The following KDM4C variants were observed in gnomAD, a reference collection of about 807,000 sequenced individuals.
The protein encoded by KDM4C is lysine demethylase 4C.
A neutral mutation model predicts 129.3 loss-of-function variants in KDM4C; 81 were observed. The ratio of observed to expected loss-of-function variants is 0.63; its 90% CI spans 0.52 to 0.75. The LOEUF (loss-of-function observed/expected upper bound fraction) is 0.75, where lower values mean the gene tolerates loss of function less well. Among genes scored for constraint, KDM4C ranks in the 30% least tolerant of loss-of-function variants. KDM4C has a pLI of 0.00. For synonymous variants in KDM4C, 573 were observed against 456.1 expected, an observed-to-expected ratio of 1.26 and a Z score of -3.26; for missense variants, 1,457 against 1,304.0, an observed-to-expected ratio of 1.12 and a Z score of -1.81.
At chr9:7,154,118 T>C (rs1323465148) in intron 19 of KDM4C, among the ~76,000 whole-genome samples, 1 of 152,144 alleles carries the variant, frequency 6.6e-6, no homozygotes, top group Admixed American at 6.5e-5. Flanking sequence ...GTGACTGTGA[T>C]GTCAGGCCAG....
At chr9:6,988,011 A>C (rs1045205832) in intron 11 of KDM4C, among the ~76,000 whole-genome samples, 1 of 151,702 alleles carries the variant, frequency 6.6e-6, no homozygotes, top group Non-Finnish European at 1.5e-5. Context: ...AAAATAAAAA[A>C]AAATTTAGTG....
chr9:7,097,190 C>G lies in KDM4C; in HGVS notation c.2425-6495C>G, dbSNP rs77213160. ...TTTAAAACCCTGCTGGGTAGCTTCT[C>G]TGAGCCATGAGGCAGGCCCTGGGTC... On this transcript the variant is annotated intron_variant, in intron 17 of 21. Coordinates refer to ENST00000381309, the MANE Select transcript of KDM4C (RefSeq NM_015061.6). Among the ~76,000 whole-genome samples the G allele has an allele frequency of 6.2e-3, 944 of 152,308 alleles. 12 individuals carry two copies. The highest frequency in any genetic ancestry group is 0.021 in the African/African-American group (862 of 41,572).
chr9:6,967,977 G>A (rs1831296209), intron 8 of KDM4C, among the ~76,000 whole-genome samples: 1 of 151,790 alleles, frequency 6.6e-6, no homozygotes, highest in African/African-American at 2.4e-5. Context: ...GATTAATTGA[G>A]ACAATATCTA....
chr9:6,763,344 G>T (rs1819958577), intron 1 of KDM4C, among the ~76,000 whole-genome samples: 1 of 152,084 alleles, frequency 6.6e-6, no homozygotes. Flanking sequence ...TTCTTTGATT[G>T]ATTCCATCTC....
intron 4 of KDM4C, among the ~76,000 whole-genome samples, chr9:6,829,670 G>T (rs771451544): frequency 6.6e-6 from 1 of 152,176 alleles, no homozygotes; most frequent in South Asian, 2.1e-4. Context: ...CACCAGGAAG[G>T]ATGGTTAGAG....
chr9:6,792,336 G>A (rs186822949), intron 1 of KDM4C, among the ~76,000 whole-genome samples: 6 of 151,868 alleles, frequency 4.0e-5, no homozygotes, highest in Non-Finnish European at 5.9e-5. Context: ...TAGCGAGACT[G>A]TCTCAAAAAA....
chr9:6,767,379 G>C (rs543622502), intron 1 of KDM4C, among the ~76,000 whole-genome samples: 1 of 151,954 alleles, frequency 6.6e-6, no homozygotes, highest in South Asian at 2.1e-4. Context: ...CTGACCTTGT[G>C]ATCCGCCTGC....
intron 8 of KDM4C, among the ~76,000 whole-genome samples, chr9:6,901,791 A>G (rs1196556443): frequency 2.0e-5 from 3 of 152,230 alleles, no homozygotes; most frequent in Non-Finnish European, 2.9e-5. Flanking sequence ...TTCGTGACAC[A>G]TATTTACTTT....
In KDM4C at chr9:7,103,709, G is replaced by T. The variant is rs781258037; in HGVS notation, c.2449G>T (p.Val817Phe). 1 of 1,613,860 alleles carries T rather than the reference G, an allele frequency of 6.2e-7. No individual in the cohort carries two copies. The highest frequency in any genetic ancestry group is 8.5e-7 in the Non-Finnish European group (1 of 1,179,886). The change falls in exon 18 of 22, where the codon GTT becomes TTT. Residue 817 changes from valine to phenylalanine, a missense_variant. Transcript: ENST00000381309. ...KLKCIFCRHR[V>F]KRVSGACIQC... ...GAAATGCATCTTCTGCAGACACCGG[G>T]TTAAGAGGGTCTCTGGAGCCTGCAT...
chr9:7,162,974 G>A (rs1480404634), intron 19 of KDM4C, among the ~76,000 whole-genome samples: 1 of 152,126 alleles, frequency 6.6e-6, no homozygotes, highest in African/African-American at 2.4e-5. Context: ...ATTGAGGAGT[G>A]TGGCTTATAT....
chr9:6,746,156 G>T (rs1458425758), intron 1 of KDM4C, among the ~76,000 whole-genome samples: 1 of 151,092 alleles, frequency 6.6e-6, no homozygotes, highest in Non-Finnish European at 1.5e-5. Context: ...AACCAGGCTG[G>T]TCTCACACTC....
At chr9:6,844,696 C>CT (rs931284841) in intron 4 of KDM4C, among the ~76,000 whole-genome samples, 3 of 151,378 alleles carry the variant, frequency 2.0e-5, no homozygotes, top group Non-Finnish European at 2.9e-5. Flanking sequence ...ACTGATATTT[C>CT]TTTTTTTTTG....
intron 19 of KDM4C, among the ~76,000 whole-genome samples, chr9:7,141,797 GT>G (rs112782165): frequency 0.019 from 2,842 of 146,654 alleles, 86 homozygotes; most frequent in African/African-American, 0.061. Flanking sequence ...TTGTTATTAG[GT>G]TTTTTTTTTT....
At chr9:7,059,043 C>T (rs1327736183) in intron 17 of KDM4C, among the ~76,000 whole-genome samples, 1 of 152,126 alleles carries the variant, frequency 6.6e-6, no homozygotes, top group African/African-American at 2.4e-5. Context: ...TACTTACAGG[C>T]TTTTTAAATG....
At chr9:6,995,523 AGTAT>A (rs1344542488) in intron 12 of KDM4C, among the ~76,000 whole-genome samples, 1 of 152,218 alleles carries the variant, frequency 6.6e-6, no homozygotes, top group Non-Finnish European at 1.5e-5. Context: ...ATGTTTTCAA[AGTAT>A]CATCTTTAGC....
intron 2 of KDM4C, among the ~76,000 whole-genome samples, chr9:6,804,348 C>T (rs1564048480): frequency 6.6e-6 from 1 of 152,152 alleles, no homozygotes; most frequent in Non-Finnish European, 1.5e-5. Context: ...AGTACTATGC[C>T]ATGGACACAG....
chr9:6,891,273 A>G (rs1277244054), intron 7 of KDM4C, among the ~76,000 whole-genome samples: 1 of 152,200 alleles, frequency 6.6e-6, no homozygotes, highest in Non-Finnish European at 1.5e-5. Context: ...CTGTTGGCTG[A>G]TGAATAAATA....
chr9:7,165,464 A>G lies in KDM4C; in HGVS notation c.2901+107A>G, dbSNP rs190301866. 6.9e-4 allele frequency: 887 copies of G among 1,281,000 alleles called. 6 individuals carry two copies. The highest frequency in any genetic ancestry group is 1.5e-4 in the Non-Finnish European group (142 of 923,490). 79.4% of individuals were successfully genotyped at this position (1,281,000 alleles called of 1,614,324 possible). A position where few individuals can be genotyped will look rare whatever the true frequency, so the allele number is the denominator to read the frequency against. Reference sequence around the variant, plus strand: ...ACAATAAGCCACATGAATTTGGGACACCTCTTATTTTATGCAGGAGGCAAA... The same window carrying G: ...ACAATAAGCCACATGAATTTGGGACGCCTCTTATTTTATGCAGGAGGCAAA... On this transcript the variant is annotated intron_variant, in intron 20 of 21. Transcript: ENST00000381309.
intron 8 of KDM4C, among the ~76,000 whole-genome samples, chr9:6,960,085 C>T (rs1247857001): frequency 6.6e-6 from 1 of 151,770 alleles, no homozygotes; most frequent in East Asian, 2.0e-4. Flanking sequence ...CTGAGAGATT[C>T]CTTAGGGGTC....
Sources: gnomAD v4.1 joint callset for allele counts (sites outside exome capture counted in the v4.1 genomes callset) on GRCh38, gnomAD v4.1.1 for gene constraint, MANE v1.5 for transcripts, NCBI Gene and HGNC (gene_info 2026-07-23, HGNC 2026-07-21) for gene names.